Variants in CNST observed in about 807,000 individuals in gnomAD.
CNST encodes consortin.
CNST carries 39 observed loss-of-function variants against 72.4 expected under a neutral mutation model. The ratio of observed to expected loss-of-function variants is 0.54; its 90% CI spans 0.42 to 0.70. The LOEUF (loss-of-function observed/expected upper bound fraction) is 0.70. Among genes scored for constraint, CNST ranks in the 30% least tolerant of loss-of-function variants. CNST has a pLI of 0.00. For synonymous variants in CNST, 332 were observed against 320.1 expected (o/e 1.04, Z -0.40); for missense variants, 871 against 868.5 (o/e 1.00, Z -0.04).
chr1:246,626,304 G>T (rs1664432259), intron 3 of CNST, among the ~76,000 whole-genome samples: 2 of 151,720 alleles, frequency 1.3e-5, no homozygotes, highest in South Asian at 4.2e-4. Flanking sequence ...TCCCACCTTG[G>T]TGTCCCAAAG....
At chr1:246,593,396 C>T (rs766902067) in intron 2 of CNST, among the ~76,000 whole-genome samples, 2 of 151,398 alleles carry the variant, frequency 1.3e-5, no homozygotes, top group Non-Finnish European at 2.9e-5. Flanking sequence ...AATCTCAGCT[C>T]ACTGCAACCT....
intron 1 of CNST, among the ~76,000 whole-genome samples, chr1:246,585,595 A>G (rs560998586): frequency 6.7e-6 from 1 of 149,298 alleles, no homozygotes; most frequent in South Asian, 2.1e-4. Context: ...GCAGTGAGCC[A>G]AGATCACACC....
Position 246,628,173 on chromosome 1 carries a change from C to A in CNST, c.586-3721C>A, listed in dbSNP as rs546087890. On this transcript the variant is annotated intron_variant, in intron 3 of 10. Transcript: ENST00000366513. Reference sequence around the variant, plus strand: ...TGGCAGCTGATTAGATGGTGTCCACCAGTTTAAAAGGGGGTCTGCCTTCCC... The same window carrying A: ...TGGCAGCTGATTAGATGGTGTCCACAAGTTTAAAAGGGGGTCTGCCTTCCC... Among the ~76,000 whole-genome samples, 3 of 152,184 alleles carry A rather than the reference C, an allele frequency of 2.0e-5. No individual in the cohort carries two copies. In the East Asian group the frequency reaches 5.8e-4, roughly 29 times the overall value.
At chr1:246,586,111 A>ATATATATGTG (rs777928408) in intron 1 of CNST, among the ~76,000 whole-genome samples, 12 of 102,696 alleles carry the variant, frequency 1.2e-4, no homozygotes, top group Non-Finnish European at 2.2e-4. Context: ...ATATATATAT[A>ATATATATGTG]TGTGTGTGTG....
intron 2 of CNST, among the ~76,000 whole-genome samples, chr1:246,609,929 C>A (rs1663190961): frequency 6.6e-6 from 1 of 152,144 alleles, no homozygotes; most frequent in Non-Finnish European, 1.5e-5. Context: ...GTTGTGCAAC[C>A]ATCATTTATA....
chr1:246,664,069 A>C (rs1216635660), intron 10 of CNST, among the ~76,000 whole-genome samples: 1 of 152,244 alleles, frequency 6.6e-6, no homozygotes, highest in Non-Finnish European at 1.5e-5. Context: ...TTATGAAAAA[A>C]ATCAGTTTAA....
At chr1:246,579,818 G>A (rs148890869) in intron 1 of CNST, among the ~76,000 whole-genome samples, 408 of 152,172 alleles carry the variant, frequency 2.7e-3, no homozygotes, top group African/African-American at 9.1e-3. Flanking sequence ...AATTTCTAGC[G>A]GTTGACATCT....
intron 1 of CNST, among the ~76,000 whole-genome samples, chr1:246,579,320 C>T (rs1345851143): frequency 6.6e-6 from 1 of 152,166 alleles, no homozygotes; most frequent in Non-Finnish European, 1.5e-5. Context: ...ATTCATTCTG[C>T]CTTGTTGCCC....
At position 246,665,806 on chromosome 1, in the gene CNST, G is replaced by A. The variant is rs1189894204; in HGVS notation, c.2079G>A (p.Glu693=). ...TALYCTFGDM[E]SPVCTDFADN... is the part of the protein sequence containing the mutation. ...TATACTGCACTTTCGGTGACATGGA[G>A]TCACCTGTTTGTACTGACTTTGCAG... The change falls in exon 11 of 11, where the codon GAG becomes GAA. Residue 693 remains glutamate (E), a synonymous_variant. Coordinates refer to ENST00000366513, the MANE Select transcript of CNST (RefSeq NM_152609.3). 3.1e-6 allele frequency: 5 copies of A among 1,614,042 alleles called. No individual in the cohort carries two copies. Among genetic ancestry groups the A allele is most frequent in the East Asian group, 2.2e-5 (1 of 44,886 alleles).
At chr1:246,621,353 T>G (rs561202082) in intron 2 of CNST, 76 bp from the exon 3 acceptor site, 1 of 1,152,474 alleles carries the variant, frequency 8.7e-7, no homozygotes, top group African/African-American at 1.5e-5. Context: ...GGCATCAAAC[T>G]ATATGTAATT....
chr1:246,604,580 G>A (rs147336521), intron 2 of CNST, among the ~76,000 whole-genome samples: 5 of 152,030 alleles, frequency 3.3e-5, no homozygotes, highest in African/African-American at 1.2e-4. Context: ...AAATTTCACT[G>A]TTTGGTTTGC....
At chr1:246,640,303 A>ATG (rs1420286579) in intron 6 of CNST, among the ~76,000 whole-genome samples, 1 of 152,202 alleles carries the variant, frequency 6.6e-6, no homozygotes, top group Non-Finnish European at 1.5e-5. Flanking sequence ...GCTAATGTTT[A>ATG]TGTGTTGTAG....
chr1:246,642,593 T>C (rs1432281064), intron 8 of CNST, among the ~76,000 whole-genome samples: 1 of 151,950 alleles, frequency 6.6e-6, no homozygotes, highest in Admixed American at 6.6e-5. Context: ...GTGCCTTACG[T>C]CAAAAGATTT....
intron 6 of CNST, among the ~76,000 whole-genome samples, chr1:246,637,990 G>A (rs1665408042): frequency 6.6e-6 from 1 of 152,186 alleles, no homozygotes; most frequent in Admixed American, 6.5e-5. Context: ...GAAAAAGGCG[G>A]TGGCCAGAGG....
intron 9 of CNST, among the ~76,000 whole-genome samples, chr1:246,653,618 A>G (rs766604490): frequency 6.6e-6 from 1 of 152,238 alleles, no homozygotes; most frequent in African/African-American, 2.4e-5. Flanking sequence ...CTGTTTTCCA[A>G]ATGGCCTCGT....
chr1:246,573,570 A>G (rs1470842882), intron 1 of CNST, among the ~76,000 whole-genome samples: 1 of 152,178 alleles, frequency 6.6e-6, no homozygotes, highest in African/African-American at 2.4e-5. Context: ...TCTCCACTGC[A>G]TAGCTGGGGA....
At chr1:246,618,035 C>T (rs1369163926) in intron 2 of CNST, among the ~76,000 whole-genome samples, 1 of 152,144 alleles carries the variant, frequency 6.6e-6, no homozygotes, top group African/African-American at 2.4e-5. Flanking sequence ...GTGTAGTCAC[C>T]AGTCTAGGCA....
intron 3 of CNST, among the ~76,000 whole-genome samples, chr1:246,628,752 A>G (rs1010406413): frequency 6.6e-6 from 1 of 152,132 alleles, no homozygotes; most frequent in Non-Finnish European, 1.5e-5. Context: ...TCCCCTGGGA[A>G]CTCGGTTTCA....
At chr1:246,635,871 C>T (rs1019037005) in intron 6 of CNST, among the ~76,000 whole-genome samples, 24 of 152,220 alleles carry the variant, frequency 1.6e-4, no homozygotes, top group African/African-American at 5.1e-4. Context: ...CTTTAAGGAC[C>T]GTTTTTCTCT....
Sources: allele counts gnomAD v4.1 joint callset (sites outside exome capture counted in the v4.1 genomes callset), GRCh38; gene constraint gnomAD v4.1.1; transcripts MANE v1.5; gene names NCBI Gene and HGNC (gene_info 2026-07-23, HGNC 2026-07-21).